Variants in GAREM1 observed in about 807,000 individuals in gnomAD.
GAREM1 encodes the protein GRB2-associated and regulator of MAPK protein 1.
Under a neutral mutation model 71.3 loss-of-function variants are expected in GAREM1, and 26 were observed. The observed-to-expected ratio is 0.36, with a 90% CI of 0.27 to 0.51. GAREM1 has a LOEUF of 0.51. Among genes scored for constraint, GAREM1 ranks in the 20% least tolerant of loss-of-function variants. The pLI is 0.95. For synonymous variants in GAREM1, 440 were observed against 433.2 expected, an observed-to-expected ratio of 1.02 and a Z score of -0.20; for missense variants, 1,026 against 1,103.1, an observed-to-expected ratio of 0.93 and a Z score of 0.99.
At chr18:32,411,041 G>C (rs928745820) in intron 1 of GAREM1, among the ~76,000 whole-genome samples, 1 of 152,174 alleles carries the variant, frequency 6.6e-6, no homozygotes, top group African/African-American at 2.4e-5. Context: ...GACCTCAAGT[G>C]ATCTGCCCAC....
chr18:32,372,290 T>A (rs940719973), intron 2 of GAREM1, among the ~76,000 whole-genome samples: 13 of 152,218 alleles, frequency 8.5e-5, no homozygotes, highest in African/African-American at 2.9e-4. Flanking sequence ...GTTATCAGAA[T>A]TGTAAACATA....
intron 2 of GAREM1, among the ~76,000 whole-genome samples, chr18:32,364,191 C>T (rs1010888584): frequency 2.7e-5 from 4 of 150,272 alleles, no homozygotes; most frequent in South Asian, 2.1e-4. Context: ...CCCACCACCA[C>T]GCCCAGCTAA....
intron 4 of GAREM1, among the ~76,000 whole-genome samples, chr18:32,278,154 G>GAAAACT (rs1295893248): frequency 4.6e-5 from 7 of 152,148 alleles, no homozygotes; most frequent in African/African-American, 1.7e-4. Context: ...AGTTAACTAA[G>GAAAACT]GCATGGTCTT....
In GAREM1 at chr18:32,287,922, CA is replaced by C; in HGVS notation, c.674del (p.Leu225ArgfsTer23). 2 of 1,614,032 alleles carry C rather than the reference CA, an allele frequency of 1.2e-6. No homozygotes were observed. The highest frequency in any genetic ancestry group is 1.7e-6 in the Non-Finnish European group (2 of 1,180,004). On this transcript the variant is annotated frameshift_variant, in exon 4 of 6. Coordinates refer to ENST00000269209, the MANE Select transcript of GAREM1 (RefSeq NM_001242409.2). LOFTEE classifies it high-confidence loss of function. This position sits in a 1 kb window ranked among gnomAD's most constrained non-coding sequence, Gnocchi z 5.9. ...CKGRFSTRSP[L>X]ELQMQEGEHT... ...GTTCGCCCTCTTGCATCTGAAGTTC[CA>C]GGGGACTTCGGGTGCTAAATCTGCC...
intron 4 of GAREM1, among the ~76,000 whole-genome samples, chr18:32,285,530 T>C (rs1029966996): frequency 6.6e-6 from 1 of 152,258 alleles, no homozygotes; most frequent in Non-Finnish European, 1.5e-5. Context: ...CATGCTGCTC[T>C]GTCCGGAATG....
At chr18:32,276,608 T>A (rs1348208154) in intron 4 of GAREM1, among the ~76,000 whole-genome samples, 1 of 152,124 alleles carries the variant, frequency 6.6e-6, no homozygotes, top group Non-Finnish European at 1.5e-5. Context: ...TAGGAGGGAT[T>A]ATGAGTGTAC....
At chr18:32,463,952 TCATC>T (rs1348851274) in intron 1 of GAREM1, among the ~76,000 whole-genome samples, 1 of 142,556 alleles carries the variant, frequency 7.0e-6, no homozygotes, top group Non-Finnish European at 1.5e-5. Flanking sequence ...AAAAAAATGA[TCATC>T]CATCAGTGAA....
At chr18:32,459,929 AGACTCTGTTATAAC>A (rs2048936989) in intron 1 of GAREM1, among the ~76,000 whole-genome samples, 1 of 152,184 alleles carries the variant, frequency 6.6e-6, no homozygotes, top group Non-Finnish European at 1.5e-5. Context: ...AATGGATGAC[AGACTCTGTTATAAC>A]GAGTGCTTTC....
At position 32,268,253 on chromosome 18, in the gene GAREM1, C is replaced by T. The variant is rs2041404167; in HGVS notation, c.2249G>A (p.Gly750Asp). 1 of 1,614,080 alleles carries T rather than the reference C, an allele frequency of 6.2e-7. No homozygotes were observed. Among genetic ancestry groups the T allele is most frequent in the Non-Finnish European group, 8.5e-7 (1 of 1,180,014 alleles). Residue 750 changes from glycine (G) to aspartate (D), a missense_variant, in exon 6 of 6, where the codon GGT becomes GAT. Coordinates refer to ENST00000269209, the MANE Select transcript of GAREM1 (RefSeq NM_001242409.2). ...CCCAGACTTGGGGTCTTCCTCAGCA[C>T]CATCAATTTTCAGAGGCAAAGGAGA... Reference protein sequence around the residue: ...ETSPLPLKIDGAEEDPKSGSP... With the variant: ...ETSPLPLKIDDAEEDPKSGSP...
At chr18:32,435,057 C>T (rs560139557) in intron 1 of GAREM1, among the ~76,000 whole-genome samples, 2 of 152,140 alleles carry the variant, frequency 1.3e-5, no homozygotes, top group East Asian at 3.9e-4. Context: ...CCCAATAATA[C>T]ACAACCTCAA....
At chr18:32,310,753 T>C (rs1372111179) in intron 2 of GAREM1, among the ~76,000 whole-genome samples, 5 of 151,958 alleles carry the variant, frequency 3.3e-5, no homozygotes, top group Admixed American at 2.6e-4. Context: ...AGCTAACTTT[T>C]AAAAATTAGT....
At chr18:32,344,527 G>A (rs1420154212) in intron 2 of GAREM1, among the ~76,000 whole-genome samples, 5 of 151,800 alleles carry the variant, frequency 3.3e-5, no homozygotes, top group African/African-American at 9.7e-5. Flanking sequence ...CGCTAAATGG[G>A]AAAAAAGTAA....
intron 4 of GAREM1, among the ~76,000 whole-genome samples, chr18:32,284,098 A>C (rs1444358757): frequency 6.6e-6 from 1 of 152,224 alleles, no homozygotes; most frequent in East Asian, 1.9e-4. Flanking sequence ...TTCCCTTTTG[A>C]AAATTACAAG....
intron 4 of GAREM1, among the ~76,000 whole-genome samples, chr18:32,277,254 T>C (rs1360249116): frequency 2.0e-5 from 3 of 152,080 alleles, no homozygotes; most frequent in African/African-American, 7.2e-5. Flanking sequence ...GAAGAAGGCA[T>C]GCCTTTTAAA....
At chr18:32,408,627 C>T (rs1165819738) in intron 1 of GAREM1, among the ~76,000 whole-genome samples, 3 of 152,098 alleles carry the variant, frequency 2.0e-5, no homozygotes, top group Non-Finnish European at 4.4e-5. Context: ...ATCCATTTGA[C>T]CATTGTTAAG....
intron 2 of GAREM1, among the ~76,000 whole-genome samples, chr18:32,322,839 T>G (rs2047442838): frequency 6.6e-6 from 1 of 152,216 alleles, no homozygotes; most frequent in East Asian, 1.9e-4. Flanking sequence ...TCTACTTATT[T>G]TACTTCCTTT....
In GAREM1 at chr18:32,272,147, T is replaced by A. The variant is rs114603622; in HGVS notation, c.1567-1764A>T. Among the ~76,000 whole-genome samples, 387 of 152,306 alleles carry A rather than the reference T, an allele frequency of 2.5e-3. 2 individuals are homozygous for A. The highest frequency in any genetic ancestry group is 0.014 in the Middle Eastern group (4 of 294). ...TTGCTTAAGCGGAAATGAAATGGGT[T>A]CATGTTATCACACTGCATCTCCTAC... On this transcript the variant is annotated intron_variant, in intron 4 of 5. Coordinates refer to ENST00000269209, the MANE Select transcript of GAREM1 (RefSeq NM_001242409.2).
intron 1 of GAREM1, among the ~76,000 whole-genome samples, chr18:32,445,402 T>C (rs958788100): frequency 1.7e-4 from 26 of 152,158 alleles, no homozygotes; most frequent in African/African-American, 6.3e-4. Flanking sequence ...AGTATACCTA[T>C]GATCTATGTG....
chr18:32,322,391 T>C (rs1022442054), intron 2 of GAREM1, among the ~76,000 whole-genome samples: 6 of 152,194 alleles, frequency 3.9e-5, no homozygotes, highest in African/African-American at 7.2e-5. Flanking sequence ...CAGCGGACTA[T>C]AGAATGCACC....
Sources: allele counts gnomAD v4.1 joint callset (sites outside exome capture counted in the v4.1 genomes callset), GRCh38; gene constraint gnomAD v4.1.1; non-coding constraint Gnocchi (gnomAD v3.1); transcripts MANE v1.5; gene names NCBI Gene and HGNC (gene_info 2026-07-23, HGNC 2026-07-21).